NRP1: variants seen among roughly 807,000 people sequenced by gnomAD.
NRP1 encodes the protein neuropilin 1.
Under a neutral mutation model 106.7 loss-of-function variants are expected in NRP1, and 35 were observed. The ratio of observed to expected loss-of-function variants is 0.33; its 90% CI spans 0.25 to 0.43. The LOEUF (loss-of-function observed/expected upper bound fraction) is 0.43. Ranked by LOEUF, NRP1 falls within the 20% of genes least tolerant of loss-of-function variation. The pLI is 1.00. For synonymous variants in NRP1, 437 were observed against 417.9 expected, an observed-to-expected ratio of 1.05 and a Z score of -0.56; for missense variants, 1,024 against 1,170.4, an observed-to-expected ratio of 0.87 and a Z score of 1.83.
intron 16 of NRP1, among the ~76,000 whole-genome samples, chr10:33,180,703 T>C (rs1835631544): frequency 6.6e-6 from 1 of 152,222 alleles, no homozygotes; most frequent in South Asian, 2.1e-4. Flanking sequence ...TTTTGCAAAA[T>C]GCTTAGTCAC....
intron 2 of NRP1, among the ~76,000 whole-genome samples, chr10:33,307,137 T>C (rs901403033): frequency 2.6e-5 from 4 of 152,238 alleles, no homozygotes; most frequent in Admixed American, 2.0e-4. Flanking sequence ...CATGATCCCA[T>C]AGGCTCAAAT....
In NRP1 at chr10:33,223,475, A is replaced by AG. The variant is rs397822346; in HGVS notation, c.1138-1613_1138-1612insC. Among the ~76,000 whole-genome samples the AG allele has an allele frequency of 6.2e-3, 938 of 151,304 alleles. 8 individuals are homozygous for AG. Among genetic ancestry groups the AG allele is most frequent in the African/African-American group, 0.021 (855 of 41,238 alleles). ...ATCTCTCCATTAAAAAAAAAAAAAA[A>AG]TTAGCCAGGTATGGTGGTGGTGCAT... On this transcript the variant is annotated intron_variant, in intron 7 of 16. Coordinates refer to ENST00000374867, the MANE Select transcript of NRP1 (RefSeq NM_003873.7).
At chr10:33,194,433 T>A (rs929163914) in intron 12 of NRP1, 1 of 216,448 alleles carries the variant, frequency 4.6e-6, no homozygotes, top group African/African-American at 2.2e-5. Flanking sequence ...GAAAATGACA[T>A]CATCCATTCT....
chr10:33,287,379 A>T (rs1844644748), intron 2 of NRP1, among the ~76,000 whole-genome samples: 1 of 152,226 alleles, frequency 6.6e-6, no homozygotes, highest in Admixed American at 6.5e-5. Context: ...AGAAGCTCTG[A>T]TTTCTACTCT....
At chr10:33,232,643 T>C (rs1840243544) in intron 6 of NRP1, among the ~76,000 whole-genome samples, 1 of 138,756 alleles carries the variant, frequency 7.2e-6, no homozygotes, top group Non-Finnish European at 1.6e-5. Context: ...TTTTCCTTTT[T>C]TTTTTTTTTT....
In NRP1 at chr10:33,234,113, C is replaced by T. The variant is rs1158949829; in HGVS notation, c.982-7824G>A. Among the ~76,000 whole-genome samples the T allele has an allele frequency of 3.3e-5, 5 of 152,244 alleles. No individual in the cohort carries two copies. In the East Asian group the frequency reaches 7.7e-4, roughly 23 times the overall value. The stretch of plus-strand genomic sequence containing the variant: ...CTAGAAAAAATGCTGATGGCTAAGG[C>T]TAAAATTACCATTAATAACCGGAAA... On this transcript the variant is annotated intron_variant, in intron 6 of 16. Transcript: ENST00000374867.
chr10:33,233,502 G>A (rs1015704858), intron 6 of NRP1, among the ~76,000 whole-genome samples: 3 of 152,166 alleles, frequency 2.0e-5, no homozygotes, highest in South Asian at 2.1e-4. Context: ...ACACCAGCAC[G>A]CAGCCTTCCA....
chr10:33,251,916 A>G (rs892782244), intron 6 of NRP1, among the ~76,000 whole-genome samples: 1 of 152,110 alleles, frequency 6.6e-6, no homozygotes, highest in African/African-American at 2.4e-5. Context: ...AGTGCAGGGT[A>G]GAGAAAGGAG....
intron 6 of NRP1, 121 bp from the exon 7 acceptor site, chr10:33,226,410 C>T (rs996720444): frequency 3.0e-6 from 3 of 1,008,914 alleles, no homozygotes; most frequent in South Asian, 3.3e-5. Context: ...GGGCCTCATT[C>T]CATCGGGTGT....
intron 2 of NRP1, among the ~76,000 whole-genome samples, chr10:33,324,513 C>T (rs565260482): frequency 1.3e-5 from 2 of 152,318 alleles, no homozygotes; most frequent in South Asian, 4.1e-4. Context: ...ATATTTCCAT[C>T]AGTAGCCACT....
intron 13 of NRP1, 111 bp from the exon 14 acceptor site, chr10:33,186,599 C>A: frequency 7.9e-7 from 1 of 1,271,810 alleles, no homozygotes; most frequent in Admixed American, 2.3e-5. Context: ...CACCAAGAAC[C>A]CAAATACGTA....
chr10:33,259,206 C>A (rs541271281), intron 4 of NRP1, among the ~76,000 whole-genome samples: 11 of 152,318 alleles, frequency 7.2e-5, no homozygotes, highest in African/African-American at 2.6e-4. Context: ...TTTAGAGAGT[C>A]TCCATGACTC....
In NRP1 at chr10:33,179,686, A is replaced by C. The variant is rs144780576; in HGVS notation, c.*390T>G. ...GCACTGGGTTTCAGGTAGCATGTCC[A>C]TCCAAAGGGCCACACGGAATACGCT... On this transcript the variant is annotated 3_prime_UTR_variant, in exon 17 of 17. Transcript: ENST00000374867. 1,168 of 189,564 alleles carry C rather than the reference A, an allele frequency of 6.2e-3. 11 individuals carry two copies. The highest frequency in any genetic ancestry group is 0.026 in the African/African-American group (1,120 of 42,940). 11.7% of individuals were successfully genotyped at this position (189,564 alleles called of 1,614,324 possible).
At chr10:33,263,212 T>C (rs1842691408) in intron 4 of NRP1, among the ~76,000 whole-genome samples, 1 of 152,228 alleles carries the variant, frequency 6.6e-6, no homozygotes, top group South Asian at 2.1e-4. Context: ...TATTAAGTAC[T>C]CAACCTCTCA....
At chr10:33,242,614 A>G (rs192097759) in intron 6 of NRP1, among the ~76,000 whole-genome samples, 1 of 152,252 alleles carries the variant, frequency 6.6e-6, no homozygotes, top group East Asian at 1.9e-4. Flanking sequence ...AGTATTTCAC[A>G]TTTCATATGA....
intron 2 of NRP1, among the ~76,000 whole-genome samples, chr10:33,317,514 AT>A (rs1847124199): frequency 6.6e-6 from 1 of 152,252 alleles, no homozygotes; most frequent in African/African-American, 2.4e-5. Context: ...CAAAATCCAT[AT>A]CATTTTCTCT....
chr10:33,188,502 G>C (rs2506148), intron 13 of NRP1, among the ~76,000 whole-genome samples: 72,504 of 151,870 alleles, frequency 0.48, 18,914 homozygotes, highest in East Asian at 0.78. Context: ...GTTCAGTGCA[G>C]TAGGAGAGAT....
At chr10:33,265,208 C>T (rs1344431991) in intron 3 of NRP1, among the ~76,000 whole-genome samples, 1 of 152,182 alleles carries the variant, frequency 6.6e-6, no homozygotes, top group East Asian at 1.9e-4. Flanking sequence ...CCCTGAATAC[C>T]ACCTGCTGCT....
At chr10:33,254,220 T>C (rs1842052848) in intron 5 of NRP1, 26 bp from the exon 6 acceptor site, 1 of 1,579,556 alleles carries the variant, frequency 6.3e-7, no homozygotes, top group Non-Finnish European at 8.6e-7. Flanking sequence ...GGGCCCACAG[T>C]CATCAAAATA....
Sources: allele counts gnomAD v4.1 joint callset (sites outside exome capture counted in the v4.1 genomes callset), GRCh38; gene constraint gnomAD v4.1.1; transcripts MANE v1.5; gene names NCBI Gene and HGNC (gene_info 2026-07-23, HGNC 2026-07-21).